NT5C2: variants seen among roughly 807,000 people sequenced by gnomAD.
The protein encoded by NT5C2 is 5'-nucleotidase, cytosolic II.
Under a neutral mutation model 76.1 loss-of-function variants are expected in NT5C2, and 58 were observed. The ratio of observed to expected loss-of-function variants is 0.76; its 90% confidence interval spans 0.62 to 0.95. The LOEUF is 0.95. Among genes scored for constraint, NT5C2 ranks in the 40% least tolerant of loss-of-function variants. The pLI, the probability that NT5C2 is intolerant of heterozygous loss-of-function variation, is 0.00. For missense variants in NT5C2, 478 were observed against 690.3 expected (o/e 0.69, Z 3.45); for synonymous variants, 229 against 237.4 (o/e 0.96, Z 0.32).
In NT5C2 at chr10:103,151,116, AT is replaced by A. The variant is rs550530081; in HGVS notation, c.102-11638del. Among the ~76,000 whole-genome samples, 11 of 149,368 alleles carry A rather than the reference AT, an allele frequency of 7.4e-5. No individual in the cohort carries two copies. In the East Asian group the frequency reaches 7.8e-4, roughly 11 times the overall value. ...AGATAAAGGTCAAGGGTCAAGGTTC[AT>A]TTTTTTTTTCCTATATGAATATTCA... On this transcript the variant is annotated intron_variant, in intron 3 of 18. Coordinates refer to ENST00000404739, the MANE Select transcript of NT5C2 (RefSeq NM_001351169.2).
chr10:103,191,865 T>C (rs1195901883), intron 1 of NT5C2, among the ~76,000 whole-genome samples: 1 of 152,330 alleles, frequency 6.6e-6, no homozygotes, highest in East Asian at 1.9e-4. Context: ...ACTTCAGAAA[T>C]AAGTCTGTGT....
intron 4 of NT5C2, chr10:103,111,930 T>C (rs904191740): frequency 2.0e-6 from 1 of 505,774 alleles, no homozygotes; most frequent in African/African-American, 2.0e-5. Context: ...GAGTTACTAC[T>C]GCCCTCCAAT....
intron 3 of NT5C2, among the ~76,000 whole-genome samples, chr10:103,147,925 C>G (rs1168363791): frequency 1.3e-5 from 2 of 151,956 alleles, no homozygotes; most frequent in African/African-American, 2.4e-5. Context: ...TGTGAATATA[C>G]TAAAATGATC....
intron 3 of NT5C2, among the ~76,000 whole-genome samples, chr10:103,167,454 GAC>G (rs1160314248): frequency 6.6e-6 from 1 of 152,106 alleles, no homozygotes. Context: ...ATACTAAAAT[GAC>G]AGTTTACTAC....
chr10:103,137,460 G>A (rs1441994994), intron 4 of NT5C2, among the ~76,000 whole-genome samples: 1 of 152,190 alleles, frequency 6.6e-6, no homozygotes, highest in Non-Finnish European at 1.5e-5. Flanking sequence ...AAAAAATCAT[G>A]ACCGTATCTA....
chr10:103,113,828 T>C (rs1452830673), intron 4 of NT5C2, among the ~76,000 whole-genome samples: 1 of 152,250 alleles, frequency 6.6e-6, no homozygotes, highest in East Asian at 1.9e-4. Flanking sequence ...GTCTGACTTA[T>C]TCAGGCTTAT....
chr10:103,160,123 CCAAGACCA>C (rs2084462247), intron 3 of NT5C2, among the ~76,000 whole-genome samples: 1 of 152,058 alleles, frequency 6.6e-6, no homozygotes, highest in Admixed American at 6.6e-5. Flanking sequence ...GACATGGGTG[CCAAGACCA>C]TTCAATGTGA....
intron 2 of NT5C2, among the ~76,000 whole-genome samples, 175 bp from the exon 3 acceptor site, chr10:103,175,157 TAAA>T (rs1418366094): frequency 6.6e-6 from 1 of 152,074 alleles, no homozygotes; most frequent in East Asian, 1.9e-4. Flanking sequence ...CTCAATAATC[TAAA>T]GTTGGAAAAA....
At chr10:103,155,079 C>T (rs1428007000) in intron 3 of NT5C2, among the ~76,000 whole-genome samples, 1 of 152,202 alleles carries the variant, frequency 6.6e-6, no homozygotes, top group Admixed American at 6.5e-5. Context: ...CTCTTTCAAA[C>T]TCCATGCATA....
chr10:103,163,394 A>G (rs1239480439), intron 3 of NT5C2, among the ~76,000 whole-genome samples: 4 of 152,154 alleles, frequency 2.6e-5, no homozygotes, highest in African/African-American at 9.7e-5. Context: ...TCTGTTCACG[A>G]GCAATGTATG....
intron 4 of NT5C2, chr10:103,111,629 T>G: frequency 7.3e-6 from 5 of 683,912 alleles, no homozygotes; most frequent in Non-Finnish European, 1.0e-5. Context: ...TCATGCACTT[T>G]TTACCATTGC....
At chr10:103,098,012 T>C (rs1411735062) in intron 10 of NT5C2, 1 of 523,992 alleles carries the variant, frequency 1.9e-6, no homozygotes, top group Non-Finnish European at 3.9e-6. Flanking sequence ...TGGGTGAAAA[T>C]AGGAAGCACA....
chr10:103,146,729 C>T (rs1261176107), intron 3 of NT5C2, among the ~76,000 whole-genome samples: 2 of 152,122 alleles, frequency 1.3e-5, no homozygotes, highest in Non-Finnish European at 2.9e-5. Context: ...TCTAATGTGC[C>T]TTCATTTAAA....
intron 3 of NT5C2, among the ~76,000 whole-genome samples, chr10:103,161,388 G>C (rs761206592): frequency 1.3e-5 from 2 of 152,020 alleles, no homozygotes; most frequent in Non-Finnish European, 1.5e-5. Flanking sequence ...ATGTTGCCCA[G>C]GCTAGTCTCA....
chr10:103,146,111 T>C (rs183035424), intron 3 of NT5C2: 33 of 985,444 alleles, frequency 3.3e-5, no homozygotes, highest in Non-Finnish European at 4.0e-5. Context: ...ACAAAATTCT[T>C]CGTAAGGTCC....
Position 103,183,281 on chromosome 10 carries a change from A to ATTT in NT5C2, c.-168-1954_-168-1953insAAA, listed in dbSNP as rs1452571027. Among the ~76,000 whole-genome samples, 21 of 130,646 alleles carry ATTT rather than the reference A, an allele frequency of 1.6e-4. No homozygotes were observed. The South Asian group carries it at 2.8e-3, about 17-fold the overall frequency. The allele number at this position is 130,646 out of a possible 152,430, so 85.7% of individuals were successfully genotyped here. A position where few individuals can be genotyped will look rare whatever the true frequency, so the allele number is the denominator to read the frequency against. On this transcript the variant is annotated intron_variant, in intron 1 of 18. Coordinates refer to ENST00000404739, the MANE Select transcript of NT5C2 (RefSeq NM_001351169.2). ...GTGTGTGATATATATATATATATAT[A>ATTT]TATATATATATATCACACACTCCTT...
In NT5C2 at chr10:103,128,124, G is replaced by C. The variant is rs1351927051; in HGVS notation, c.175+11282C>G. Among the ~76,000 whole-genome samples, 3 of 147,992 alleles carry C rather than the reference G, an allele frequency of 2.0e-5. No individual in the cohort carries two copies. In the East Asian group the frequency reaches 6.6e-4, roughly 32 times the overall value. On this transcript the variant is annotated intron_variant, in intron 4 of 18. Transcript: ENST00000404739. ...CTCCCCACGGTCTCCCTCTCATGCG[G>C]AGCCGAAGCTGGACTGTACTGCTGC...
intron 4 of NT5C2, among the ~76,000 whole-genome samples, chr10:103,107,561 C>T (rs941521906): frequency 6.6e-6 from 1 of 151,804 alleles, no homozygotes; most frequent in Non-Finnish European, 1.5e-5. Context: ...CCTGTTGTCC[C>T]AGCTAGGAGG....
intron 3 of NT5C2, among the ~76,000 whole-genome samples, chr10:103,143,394 T>A (rs868845288): frequency 2.4e-4 from 37 of 152,204 alleles, no homozygotes; most frequent in Middle Eastern, 6.8e-3. Context: ...GATATTTACC[T>A]CACCATTTAA....
Sources: gnomAD v4.1 joint callset for allele counts (sites outside exome capture counted in the v4.1 genomes callset) on GRCh38, gnomAD v4.1.1 for gene constraint, MANE v1.5 for transcripts, NCBI Gene and HGNC (gene_info 2026-07-23, HGNC 2026-07-21) for gene names.